Variants in DNAH1 observed in about 807,000 individuals in gnomAD.
DNAH1 encodes axonemal beta dynein heavy chain 1.
In DNAH1, 327 loss-of-function variants were observed where a neutral mutation model predicts 484.3. That is an observed-to-expected ratio of 0.68 (90% CI 0.62 to 0.74). The LOEUF is 0.74. DNAH1 is among the 30% of genes least tolerant of loss of function. The pLI, the probability that DNAH1 is intolerant of heterozygous loss-of-function variation, is 0.00. For missense variants in DNAH1, 5,052 were observed against 5,546.8 expected, an observed-to-expected ratio of 0.91 and a Z score of 2.83; for synonymous variants, 2,192 against 2,191.9, an observed-to-expected ratio of 1.00 and a Z score of 0.00.
chr3:52,372,235 C>A lies in DNAH1; in HGVS notation c.6675C>A (p.Cys2225Ter), dbSNP rs1274429670. 1 of 1,613,830 alleles carries A rather than the reference C, an allele frequency of 6.2e-7. No individual in the cohort carries two copies. The change falls in exon 43 of 78, where the codon TGC (cysteine) becomes TGA (stop). Residue 2225 changes from cysteine to a stop codon, truncating the protein, a stop_gained. Coordinates refer to ENST00000420323, the MANE Select transcript of DNAH1 (RefSeq NM_015512.5). LOFTEE classifies it high-confidence loss of function. The stretch of plus-strand genomic sequence containing the variant: ...CATCCCCGCTCTGCCAGGTGCTGTG[C>A]ATTGGGCCAACAGGCACGGGGAAGA... ...MLLTNKKPVL[C>*]IGPTGTGKTL...
In DNAH1 at chr3:52,356,576, G is replaced by A. The variant is rs374372256; in HGVS notation, c.3694-38G>A. ...ACAAACCCCAGCTTGGACCCTGACA[G>A]TCCATATCACACCCCTCCCTGCCCC... On this transcript the variant is annotated intron_variant, in intron 21 of 77. Coordinates refer to ENST00000420323, the MANE Select transcript of DNAH1 (RefSeq NM_015512.5). 5.3e-5 allele frequency: 85 copies of A among 1,608,394 alleles called. No individual in the cohort carries two copies. The African/African-American group carries it at 8.9e-4, about 17-fold the overall frequency.
At chr3:52,378,503 T>TG (rs1462053527) in intron 46 of DNAH1, 99 bp from the exon 47 acceptor site, 3 of 1,302,978 alleles carry the variant, frequency 2.3e-6, no homozygotes, top group Non-Finnish European at 3.2e-6. Flanking sequence ...AGGGGCTTGG[T>TG]GGGGGGCACA....
chr3:52,318,178 A>T (rs1023680165), intron 1 of DNAH1, among the ~76,000 whole-genome samples: 7 of 152,132 alleles, frequency 4.6e-5, no homozygotes, highest in African/African-American at 1.4e-4. Flanking sequence ...CAGCCTCCTG[A>T]ATAGCTGGGA....
At chr3:52,389,719 T>G in intron 60 of DNAH1, 133 bp downstream of exon 60, 1 of 1,072,256 alleles carries the variant, frequency 9.3e-7, no homozygotes, top group Non-Finnish European at 1.2e-6. Flanking sequence ...AACCCTCCTG[T>G]GCCCAGCAAG....
intron 34 of DNAH1, among the ~76,000 whole-genome samples, chr3:52,366,070 A>G (rs1281486697): frequency 6.6e-6 from 1 of 152,092 alleles, no homozygotes; most frequent in East Asian, 1.9e-4. Flanking sequence ...AACTGACCCT[A>G]GGATCTTGTC....
intron 44 of DNAH1, among the ~76,000 whole-genome samples, chr3:52,373,396 A>G (rs34365302): frequency 0.082 from 12,480 of 152,336 alleles, 646 homozygotes; most frequent in Middle Eastern, 0.15. Context: ...CGCTCCAGCC[A>G]TGCCGAATAA....
chr3:52,365,426 C>T (rs1703032962), intron 34 of DNAH1, among the ~76,000 whole-genome samples: 2 of 152,216 alleles, frequency 1.3e-5, no homozygotes, highest in Admixed American at 6.5e-5. Flanking sequence ...ACCCCACTAG[C>T]GGGACTTGCC....
chr3:52,393,079 C>T (rs778619020), intron 65 of DNAH1, 54 bp downstream of exon 65: 12 of 1,579,830 alleles, frequency 7.6e-6, no homozygotes, highest in Non-Finnish European at 8.7e-6. Context: ...CATGTGGACA[C>T]ATTTCCACTG....
chr3:52,375,381 G>C lies in DNAH1; in HGVS notation c.7127G>C (p.Arg2376Pro). The change falls in exon 45 of 78, where the codon CGC (arginine) becomes CCC (proline). Residue 2376 changes from arginine (R) to proline (P), a missense_variant. This residue lies in a region of DNAH1 where 2,929 missense variants were observed against 3,409.4 expected (regional missense o/e 0.86). Coordinates refer to ENST00000420323, the MANE Select transcript of DNAH1 (RefSeq NM_015512.5). ...FAEMDEVSKK[R>P]IFSTILGNWL... is the part of the protein sequence containing the mutation. ...GAGATGGACGAGGTCAGCAAGAAAC[G>C]CATCTTCTCCACCATCCTGGGCAAC... The C allele has an allele frequency of 6.2e-7, 1 of 1,613,532 alleles. No homozygotes were observed. The highest frequency in any genetic ancestry group is 8.5e-7 in the Non-Finnish European group (1 of 1,179,750).
rs1703780442 is a variant in DNAH1 at position 52,380,143 on chromosome 3, G to C, written c.7608+8G>C. ...ATCACCAGTGAGAGTAAGGTGAGGGGCCCAGGCAGGCGCCCTGCCCCTGGT... is the reference window on the plus strand; with the variant it reads ...ATCACCAGTGAGAGTAAGGTGAGGGCCCCAGGCAGGCGCCCTGCCCCTGGT... On this transcript the variant is annotated splice_region_variant and intron_variant, in intron 48 of 77. Transcript: ENST00000420323. 1.3e-6 allele frequency: 2 copies of C among 1,574,564 alleles called. No homozygotes were observed. The highest frequency in any genetic ancestry group is 1.8e-5 in the Admixed American group (1 of 54,068).
In DNAH1 at chr3:52,347,932, C is replaced by T; in HGVS notation, c.2064C>T (p.Asp688=). Residue 688 remains aspartate (D), a synonymous_variant, in exon 12 of 78, where the codon GAC becomes GAT. Coordinates refer to ENST00000420323, the MANE Select transcript of DNAH1 (RefSeq NM_015512.5). ...QFEASLLNLF[D]KGILATHAVP... ...AGGCATCTCTGCTGAACCTCTTCGACAAGGGCATCCTGGCCACCCATGCCG... is the reference window on the plus strand; with the variant it reads ...AGGCATCTCTGCTGAACCTCTTCGATAAGGGCATCCTGGCCACCCATGCCG... 1 of 1,610,908 alleles carries T rather than the reference C, an allele frequency of 6.2e-7. No individual in the cohort carries two copies.
At position 52,359,382 on chromosome 3, in the gene DNAH1, A is replaced by T; in HGVS notation, c.4403A>T (p.Gln1468Leu). The T allele has an allele frequency of 1.9e-6, 3 of 1,569,590 alleles. No homozygotes were observed. The highest frequency in any genetic ancestry group is 2.6e-6 in the Non-Finnish European group (3 of 1,156,786). The change falls in exon 26 of 78, where the codon CAG becomes CTG. Residue 1468 changes from glutamine (Q) to leucine (L), a missense_variant. Coordinates refer to ENST00000420323, the MANE Select transcript of DNAH1 (RefSeq NM_015512.5). The part of the protein sequence containing the change: ...LRSQLFPQLC[Q>L]QLSDLVALVR... Reference sequence around the variant, plus strand: ...AGCCAACTGTTCCCCCAGCTCTGCCAGCAGGTTGGAGTCAAGAGGACCCCT... The same window carrying T: ...AGCCAACTGTTCCCCCAGCTCTGCCTGCAGGTTGGAGTCAAGAGGACCCCT...
intron 37 of DNAH1, 123 bp from the exon 38 acceptor site, chr3:52,369,702 C>A: frequency 9.4e-7 from 1 of 1,063,792 alleles, no homozygotes; most frequent in Non-Finnish European, 1.3e-6. Context: ...ACTGCCCCTG[C>A]CCCACAGCCT....
chr3:52,330,859 C>T (rs1432680045), intron 6 of DNAH1, among the ~76,000 whole-genome samples: 2 of 152,238 alleles, frequency 1.3e-5, no homozygotes. Context: ...CCTGTCCCAG[C>T]CTCCCATTGG....
At chr3:52,383,306 G>A in intron 50 of DNAH1, 80 bp from the exon 51 acceptor site, 1 of 1,294,022 alleles carries the variant, frequency 7.7e-7, no homozygotes, top group Non-Finnish European at 1.1e-6. Context: ...AAATGGAGCT[G>A]TTGTGAAGGT....
chr3:52,388,770 C>A (rs750765431), intron 58 of DNAH1, 36 bp from the exon 59 acceptor site: 1 of 1,611,028 alleles, frequency 6.2e-7, no homozygotes, highest in Non-Finnish European at 8.5e-7. Flanking sequence ...CCTAGCCCAG[C>A]CTCCCAGAGC....
rs1702906569 is a variant in DNAH1 at position 52,362,516 on chromosome 3, A to G, written c.5094+15A>G. ...ACAATCTGAAGGCAAGTGCAGGCCC[A>G]GAGTGGCCCAGGAAGCACCAGAGCT... On this transcript the variant is annotated intron_variant, in intron 31 of 77. Coordinates refer to ENST00000420323, the MANE Select transcript of DNAH1 (RefSeq NM_015512.5). This position sits in a 1 kb window ranked among gnomAD's most constrained non-coding sequence, Gnocchi z 5.1. The G allele has an allele frequency of 6.2e-7, 1 of 1,606,968 alleles. No individual in the cohort carries two copies. Among genetic ancestry groups the G allele is most frequent in the South Asian group, 1.1e-5 (1 of 90,086 alleles).
chr3:52,351,345 C>T (rs1441668580), intron 16 of DNAH1, among the ~76,000 whole-genome samples: 1 of 152,170 alleles, frequency 6.6e-6, no homozygotes, highest in Admixed American at 6.5e-5. Context: ...TTACTGAGGC[C>T]GCCAGAGACC....
intron 20 of DNAH1, among the ~76,000 whole-genome samples, chr3:52,354,335 T>C (rs535455171): frequency 8.3e-4 from 126 of 152,294 alleles, no homozygotes; most frequent in Middle Eastern, 3.4e-3. Context: ...ATGCAGCACA[T>C]GTGTAACAGT....
Sources: gnomAD v4.1 joint callset for allele counts (sites outside exome capture counted in the v4.1 genomes callset) on GRCh38, gnomAD v4.1.1 for gene constraint, gnomAD v4.1.1 regional missense constraint, Gnocchi (gnomAD v3.1) non-coding constraint, MANE v1.5 for transcripts, NCBI Gene and HGNC (gene_info 2026-07-23, HGNC 2026-07-21) for gene names.